Variants in CIMAP2 observed in about 807,000 individuals in gnomAD.
The protein encoded by CIMAP2 is ciliary microtubule associated protein 2, also known as ciliary microtubule-associated protein 2.
chr1:54,811,773 G>GCCAC, the CIMAP2 span: 18 of 1,325,048 alleles, frequency 1.4e-5, no homozygotes, highest in South Asian at 2.6e-5. Flanking sequence ...CAGCCTCCAT[G>GCCAC]CCCCCACCCC....
chr1:54,840,183 C>T, the CIMAP2 span, among the ~76,000 whole-genome samples: 1 of 152,244 alleles, frequency 6.6e-6, no homozygotes, highest in African/African-American at 2.4e-5. Context: ...GCAATTCTAC[C>T]ATCCCTGGAG....
the CIMAP2 span, among the ~76,000 whole-genome samples, chr1:54,823,325 T>C: frequency 0.2 from 29,913 of 152,018 alleles, 3,049 homozygotes; most frequent in East Asian, 0.34. Flanking sequence ...CTAATGACCT[T>C]CTTTGTCTCT....
chr1:54,814,005 C>T, the CIMAP2 span: 8 of 1,559,920 alleles, frequency 5.1e-6, no homozygotes, highest in African/African-American at 9.7e-5. Context: ...CGGCCTTCCT[C>T]TCTCGGAGGG....
At chr1:54,811,773 G>GTCCCCACCCCCCCCCC in the CIMAP2 span, 1 of 1,325,052 alleles carries the variant, frequency 7.5e-7, no homozygotes, top group Non-Finnish European at 1.0e-6. Context: ...CAGCCTCCAT[G>GTCCCCACCCCCCCCCC]CCCCCACCCC....
the CIMAP2 span, chr1:54,807,604 G>A: frequency 1.2e-6 from 2 of 1,609,574 alleles, no homozygotes; most frequent in African/African-American, 1.3e-5. Context: ...GGTGGACACA[G>A]GCTGGGCCAA....
chr1:54,834,485 C>T, the CIMAP2 span, among the ~76,000 whole-genome samples: 1 of 152,262 alleles, frequency 6.6e-6, no homozygotes, highest in East Asian at 1.9e-4. Flanking sequence ...AAATTTCAAA[C>T]ATATAGCAAA....
At chr1:54,813,568 G>A in the CIMAP2 span, among the ~76,000 whole-genome samples, 1 of 152,188 alleles carries the variant, frequency 6.6e-6, no homozygotes, top group Non-Finnish European at 1.5e-5. Context: ...GGGCAGTAGG[G>A]TGTGGCAGGT....
At chr1:54,810,353 A>G in the CIMAP2 span, among the ~76,000 whole-genome samples, 1 of 152,154 alleles carries the variant, frequency 6.6e-6, no homozygotes, top group Non-Finnish European at 1.5e-5. Flanking sequence ...TTAATTGTGG[A>G]TGGTGCTGAC....
the CIMAP2 span, among the ~76,000 whole-genome samples, chr1:54,815,782 T>A: frequency 3.3e-5 from 5 of 152,054 alleles, no homozygotes; most frequent in African/African-American, 1.2e-4. Context: ...ATAATGGCCG[T>A]AACTATCCCC....
the CIMAP2 span, among the ~76,000 whole-genome samples, chr1:54,820,878 C>T: frequency 6.6e-6 from 1 of 152,162 alleles, no homozygotes; most frequent in Non-Finnish European, 1.5e-5. Flanking sequence ...AAGCGATTCT[C>T]TTGCCTCTGC....
At chr1:54,815,664 CT>C in the CIMAP2 span, among the ~76,000 whole-genome samples, 1 of 152,272 alleles carries the variant, frequency 6.6e-6, no homozygotes, top group South Asian at 2.1e-4. Flanking sequence ...TGACCTCATT[CT>C]GTTTCTTACT....
chr1:54,819,744 T>G, the CIMAP2 span, among the ~76,000 whole-genome samples: 385 of 151,742 alleles, frequency 2.5e-3, 1 homozygote, highest in Non-Finnish European at 4.3e-3. Flanking sequence ...AGTTGGCAAG[T>G]GTCTCCTCAG....
the CIMAP2 span, chr1:54,811,765 G>GCCGGCCGGCCCCCCCCCC: frequency 7.7e-7 from 1 of 1,301,332 alleles, no homozygotes; most frequent in Non-Finnish European, 1.1e-6. Flanking sequence ...GGTTCTGACA[G>GCCGGCCGGCCCCCCCCCC]CCTCCATGCC....
the CIMAP2 span, among the ~76,000 whole-genome samples, chr1:54,838,229 TC>T: frequency 3.9e-5 from 6 of 152,102 alleles, no homozygotes; most frequent in Non-Finnish European, 5.9e-5. Flanking sequence ...ATGCCTGTAA[TC>T]CCAGCACTTT....
the CIMAP2 span, chr1:54,816,902 G>A: frequency 6.6e-6 from 10 of 1,520,318 alleles, no homozygotes; most frequent in Middle Eastern, 8.9e-4. Context: ...AGATGGAGTA[G>A]GGAAGCGTCC....
At chr1:54,806,133 A>T in the CIMAP2 span, 1 of 1,544,226 alleles carries the variant, frequency 6.5e-7, no homozygotes, top group Non-Finnish European at 8.7e-7. Context: ...GAAAGCCAGG[A>T]TGCCGCCGGA....
At chr1:54,806,903 C>G in the CIMAP2 span, 1 of 1,163,932 alleles carries the variant, frequency 8.6e-7, no homozygotes, top group African/African-American at 1.5e-5. Flanking sequence ...AAGTCACCTT[C>G]CCGGGCAGCC....
At chr1:54,806,297 T>C in the CIMAP2 span, 1 of 1,369,240 alleles carries the variant, frequency 7.3e-7, no homozygotes, top group Non-Finnish European at 9.6e-7. Context: ...ACGCTTGGCC[T>C]CGGGAGAGAG....
chr1:54,835,826 TTC>T, the CIMAP2 span, among the ~76,000 whole-genome samples: 1 of 151,712 alleles, frequency 6.6e-6, no homozygotes, highest in African/African-American at 2.4e-5. Flanking sequence ...GGCCCAGGAC[TTC>T]TCTCTCTCTG....
Sources: allele counts gnomAD v4.1 joint callset (sites outside exome capture counted in the v4.1 genomes callset), GRCh38; gene constraint gnomAD v4.1.1; transcripts MANE v1.5; gene names NCBI Gene and HGNC (gene_info 2026-07-23, HGNC 2026-07-21).